LAMB3: variants seen among roughly 807,000 people sequenced by gnomAD.
LAMB3 encodes laminin subunit beta-3.
LAMB3 carries 104 observed loss-of-function variants against 140.3 expected under a neutral mutation model. The ratio of observed to expected loss-of-function variants is 0.74; its 90% confidence interval spans 0.63 to 0.87. The LOEUF is 0.87. LAMB3 is among the 40% of genes least tolerant of loss of function. The pLI is 0.00. For missense variants in LAMB3, 1,531 were observed against 1,575.2 expected, an observed-to-expected ratio of 0.97 and a Z score of 0.47; for synonymous variants, 592 against 602.9, an observed-to-expected ratio of 0.98 and a Z score of 0.26.
intron 14 of LAMB3, among the ~76,000 whole-genome samples, chr1:209,624,478 C>G (rs1025652340): frequency 8.5e-5 from 13 of 152,236 alleles, no homozygotes; most frequent in African/African-American, 3.1e-4. Context: ...CCCTTGGCCA[C>G]TGAGCTCTTG....
intron 3 of LAMB3, among the ~76,000 whole-genome samples, chr1:209,644,741 G>C (rs2102457130): frequency 6.6e-6 from 1 of 152,276 alleles, no homozygotes; most frequent in Non-Finnish European, 1.5e-5. Context: ...CACTGGAAAG[G>C]CAACCTCAAC....
intron 20 of LAMB3, 127 bp downstream of exon 20, chr1:209,617,780 G>C (rs769311478): frequency 8.1e-6 from 11 of 1,364,020 alleles, no homozygotes; most frequent in Non-Finnish European, 1.1e-5. Flanking sequence ...CCTGCCCAAA[G>C]CTTGTCACTC....
In LAMB3 at chr1:209,644,465, A is replaced by T. The variant is rs145363155; in HGVS notation, c.183+5499T>A. Among the ~76,000 whole-genome samples, 1,517 of 152,328 alleles carry T rather than the reference A, an allele frequency of 1.0e-2. 24 individuals carry two copies. Among genetic ancestry groups the T allele is most frequent in the Non-Finnish European group, 0.01 (694 of 68,032 alleles). On this transcript the variant is annotated intron_variant, in intron 3 of 22. Transcript: ENST00000356082. ...TCTGAGGTAGCTATACTACATTTAC[A>T]AATGGTAGGTATCCCCATTTTGCAG...
At chr1:209,632,963 C>G (rs1355984125) in intron 7 of LAMB3, 107 bp downstream of exon 7, 18 of 1,086,212 alleles carry the variant, frequency 1.7e-5, no homozygotes, top group Non-Finnish European at 2.3e-5. Flanking sequence ...AATCCCCAAC[C>G]ACGTTGACAA....
intron 14 of LAMB3, 22 bp downstream of exon 14, chr1:209,625,626 C>G (rs1177231187): frequency 6.2e-7 from 1 of 1,613,982 alleles, no homozygotes; most frequent in Admixed American, 1.7e-5. Context: ...CTTGCAAATG[C>G]TTGGCAGGGA....
In LAMB3 at chr1:209,627,429, G is replaced by A. The variant is rs61734494; in HGVS notation, c.1439C>T (p.Pro480Leu). Residue 480 changes from proline to leucine, a missense_variant, in exon 12 of 23, where the codon CCG (proline) becomes CTG (leucine). Transcript: ENST00000356082. ...GGAGTTGTGCGGGTCGCAGGCACACGGTTCACAGCCCTGGCCACTGGCCAG... is the reference window on the plus strand; with the variant it reads ...GGAGTTGTGCGGGTCGCAGGCACACAGTTCACAGCCCTGGCCACTGGCCAG... ...WKLASGQGCEPCACDPHNSLS... is the reference protein window; with the variant it reads ...WKLASGQGCELCACDPHNSLS... 1,539 of 1,613,858 alleles carry A rather than the reference G, an allele frequency of 9.5e-4. 5 individuals are homozygous for A. The African/African-American group carries it at 0.011, about 12-fold the overall frequency.
rs150917125 is a variant in LAMB3 at position 209,628,049 on chromosome 1, G to A, written c.1274C>T (p.Pro425Leu). Residue 425 changes from proline (P) to leucine (L), a missense_variant, in exon 11 of 23, where the codon CCG becomes CTG. By Grantham distance (98) the Pro-to-Leu change is moderately conservative (BLOSUM62 -3). Coordinates refer to ENST00000356082, the MANE Select transcript of LAMB3 (RefSeq NM_000228.3). ...PGFTGLTYAN[P>L]QGCHRCDCNI... is the part of the protein sequence containing the mutation. The stretch of plus-strand genomic sequence containing the variant: ...CCCCTACTCACGGTGGCAGCCCTGC[G>A]GGTTGGCGTAGGTGAGTCCAGTGAA... 5.8e-5 allele frequency: 93 copies of A among 1,605,772 alleles called. 1 individual carries two copies. Among genetic ancestry groups the A allele is most frequent in the Middle Eastern group, 4.9e-4 (3 of 6,066 alleles).
chr1:209,631,815 A>C (rs1056086612), intron 8 of LAMB3, among the ~76,000 whole-genome samples: 38 of 152,332 alleles, frequency 2.5e-4, no homozygotes, highest in Admixed American at 2.4e-3. Flanking sequence ...CTGGGGCAGA[A>C]TTTGGCCCAG....
At position 209,625,756 on chromosome 1, in the gene LAMB3, C is replaced by T. The variant is rs145841733; in HGVS notation, c.1868G>A (p.Arg623Gln). The T allele has an allele frequency of 4.1e-4, 669 of 1,614,046 alleles. No homozygotes were observed. Among genetic ancestry groups the T allele is most frequent in the Non-Finnish European group, 4.9e-4 (584 of 1,180,056 alleles). ...AATCTTACTCTTTGCATCTAGGATC[C>T]GGGAGGCCAGGCCACGGTCCTCCAG... ...PGLEDRGLAS[R>Q]ILDAKSKIEQ... The change falls in exon 14 of 23, where the codon CGG (arginine) becomes CAG (glutamine). Residue 623 changes from arginine to glutamine, a missense_variant. By Grantham distance (43) the Arg-to-Gln change is conservative (BLOSUM62 1). Coordinates refer to ENST00000356082, the MANE Select transcript of LAMB3 (RefSeq NM_000228.3).
intron 3 of LAMB3, among the ~76,000 whole-genome samples, chr1:209,646,040 T>C (rs371055654): frequency 3.9e-5 from 6 of 152,306 alleles, no homozygotes; most frequent in African/African-American, 1.4e-4. Context: ...CTTAGATAAT[T>C]AACCTGAGGA....
intron 14 of LAMB3, among the ~76,000 whole-genome samples, 174 bp downstream of exon 14, chr1:209,625,474 T>A (rs988761127): frequency 1.3e-5 from 2 of 152,192 alleles, no homozygotes; most frequent in African/African-American, 4.8e-5. Flanking sequence ...TGTTTTCTCA[T>A]CTGCAAAACC....
intron 3 of LAMB3, among the ~76,000 whole-genome samples, chr1:209,646,493 G>A (rs1321890037): frequency 6.6e-6 from 1 of 152,182 alleles, no homozygotes; most frequent in African/African-American, 2.4e-5. Context: ...CCAGAATGAG[G>A]GAGTCCTCAC....
chr1:209,618,368 G>A (rs1666061808), intron 19 of LAMB3, 84 bp downstream of exon 19: 11 of 1,368,914 alleles, frequency 8.0e-6, no homozygotes, highest in Non-Finnish European at 1.1e-5. Context: ...CCAGCCCTCT[G>A]TACCCCTCTC....
In LAMB3 at chr1:209,627,126, C is replaced by T. The variant is rs1029624293; in HGVS notation, c.1486-148G>A. On this transcript the variant is annotated intron_variant, in intron 12 of 22. Transcript: ENST00000356082. Reference sequence around the variant, plus strand: ...AGCTGCTGTGCCCACAAAACAAGGGCTCCCACTCAGAGATGAGCCTTGAAG... The same window carrying T: ...AGCTGCTGTGCCCACAAAACAAGGGTTCCCACTCAGAGATGAGCCTTGAAG... The T allele has an allele frequency of 4.0e-6, 3 of 752,860 alleles. No individual in the cohort carries two copies. The African/African-American group carries it at 5.2e-5, about 13-fold the overall frequency. The allele number at this position is 752,860 out of a possible 1,614,324, so 46.6% of individuals were successfully genotyped here.
chr1:209,649,249 C>T (rs1181274849), intron 3 of LAMB3, among the ~76,000 whole-genome samples: 4 of 152,164 alleles, frequency 2.6e-5, no homozygotes, highest in Non-Finnish European at 5.9e-5. Context: ...CTTATCCATT[C>T]CCTTGTTCAA....
intron 3 of LAMB3, among the ~76,000 whole-genome samples, chr1:209,644,534 G>C (rs1479041788): frequency 1.3e-5 from 2 of 152,016 alleles, no homozygotes; most frequent in African/African-American, 4.8e-5. Context: ...AGCCCATAAA[G>C]TTAGCAAGGG....
intron 13 of LAMB3, among the ~76,000 whole-genome samples, chr1:209,626,386 G>A (rs1284876230): frequency 2.0e-5 from 3 of 152,188 alleles, no homozygotes; most frequent in African/African-American, 7.2e-5. Flanking sequence ...GTCTAAAGAG[G>A]GGAAGCAGCT....
Position 209,625,689 on chromosome 1 carries a change from C to T in LAMB3, c.1935G>A (p.Glu645=). 1.2e-6 allele frequency: 2 copies of T among 1,614,142 alleles called. No homozygotes were observed. The highest frequency in any genetic ancestry group is 8.5e-7 in the Non-Finnish European group (1 of 1,180,042). ...RAVLSSPAVT[E]QEVAQVASAI... ...CACTGGCCACCTGAGCCACCTCCTG[C>T]TCTGTGACTGCGGGGCTGCTGAGAA... The change falls in exon 14 of 23, where the codon GAG becomes GAA. Residue 645 remains glutamate (E), a synonymous_variant. Transcript: ENST00000356082.
chr1:209,645,694 T>G (rs1209743403), intron 3 of LAMB3, among the ~76,000 whole-genome samples: 2 of 138,994 alleles, frequency 1.4e-5, no homozygotes, highest in African/African-American at 2.8e-5. Flanking sequence ...CCAGCCTGGG[T>G]GGCAGAGCAA....
Sources: gnomAD v4.1 joint callset for allele counts (sites outside exome capture counted in the v4.1 genomes callset) on GRCh38, gnomAD v4.1.1 for gene constraint, MANE v1.5 for transcripts, NCBI Gene and HGNC (gene_info 2026-07-23, HGNC 2026-07-21) for gene names.